The following MICU1 variants were observed in gnomAD, a reference collection of about 807,000 sequenced individuals.
The protein encoded by MICU1 is calcium uptake protein 1, mitochondrial.
In MICU1, 45 loss-of-function variants were observed where a neutral mutation model predicts 56.8. The ratio of observed to expected loss-of-function variants is 0.79; its 90% CI spans 0.62 to 1.02. MICU1 has a LOEUF of 1.02. Ranked by LOEUF, MICU1 falls within the 50% of genes least tolerant of loss-of-function variation. The pLI is 0.00. For synonymous variants in MICU1, 186 were observed against 195.1 expected, an observed-to-expected ratio of 0.95 and a Z score of 0.39; for missense variants, 504 against 587.1, an observed-to-expected ratio of 0.86 and a Z score of 1.46.
At chr10:72,437,196 C>G (rs1395752976) in intron 8 of MICU1, among the ~76,000 whole-genome samples, 1 of 152,196 alleles carries the variant, frequency 6.6e-6, no homozygotes, top group Non-Finnish European at 1.5e-5. Flanking sequence ...AACAGCAGAT[C>G]TCTCGGCAGA....
intron 1 of MICU1, among the ~76,000 whole-genome samples, chr10:72,614,957 CTT>C (rs1841941474): frequency 6.6e-6 from 1 of 152,202 alleles, no homozygotes; most frequent in African/African-American, 2.4e-5. Flanking sequence ...ATTTTGACCA[CTT>C]TTAAGCATAC....
intron 10 of MICU1, among the ~76,000 whole-genome samples, chr10:72,382,009 A>T (rs1356086084): frequency 8.9e-6 from 1 of 111,902 alleles, no homozygotes; most frequent in African/African-American, 2.9e-5. Flanking sequence ...CACACACATT[A>T]AGATGGAGAA....
chr10:72,482,577 T>G (rs560636772), intron 6 of MICU1, among the ~76,000 whole-genome samples: 1 of 152,244 alleles, frequency 6.6e-6, no homozygotes, highest in South Asian at 2.1e-4. Flanking sequence ...GTTGACCATA[T>G]TAAATGAGCT....
At chr10:72,533,038 T>C (rs1202801905) in intron 5 of MICU1, 3 of 1,289,524 alleles carry the variant, frequency 2.3e-6, no homozygotes, top group East Asian at 5.5e-5. Context: ...TTCCTGTTCA[T>C]TGTGCTTTGT....
chr10:72,619,816 A>G (rs1842061136), intron 1 of MICU1, among the ~76,000 whole-genome samples: 1 of 152,162 alleles, frequency 6.6e-6, no homozygotes, highest in Non-Finnish European at 1.5e-5. Context: ...AACGGTGGAG[A>G]GGCATTCCAG....
At chr10:72,497,169 C>T (rs1866873579) in intron 6 of MICU1, among the ~76,000 whole-genome samples, 1 of 152,062 alleles carries the variant, frequency 6.6e-6, no homozygotes, top group Non-Finnish European at 1.5e-5. Flanking sequence ...AAGCAATTCT[C>T]CTGCCTCAGC....
intron 5 of MICU1, chr10:72,533,074 T>C (rs1839535278): frequency 7.8e-7 from 1 of 1,289,766 alleles, no homozygotes; most frequent in African/African-American, 1.5e-5. Flanking sequence ...TCTTTCTTCT[T>C]TCTGAAGTGC....
chr10:72,571,502 C>T (rs1840609663), intron 1 of MICU1, among the ~76,000 whole-genome samples: 1 of 152,114 alleles, frequency 6.6e-6, no homozygotes, highest in Non-Finnish European at 1.5e-5. Context: ...CTTTGAATGC[C>T]AGACCAAGAA....
At chr10:72,474,297 G>T (rs964787328) in intron 8 of MICU1, among the ~76,000 whole-genome samples, 14 of 112,104 alleles carry the variant, frequency 1.2e-4, no homozygotes, top group East Asian at 7.4e-4. Flanking sequence ...AGAAGAAAAA[G>T]AAAAGAGGTT....
chr10:72,403,397 TG>T (rs1863522979), intron 10 of MICU1, among the ~76,000 whole-genome samples: 1 of 152,076 alleles, frequency 6.6e-6, no homozygotes, highest in Non-Finnish European at 1.5e-5. Context: ...TTAAATTTTT[TG>T]TAGAGACAAG....
At position 72,611,512 on chromosome 10, in the gene MICU1, T is replaced by C. The variant is rs182364889; in HGVS notation, c.-2+14498A>G. Among the ~76,000 whole-genome samples the C allele has an allele frequency of 4.5e-3, 686 of 151,516 alleles. 6 individuals carry two copies. Among genetic ancestry groups the C allele is most frequent in the African/African-American group, 0.016 (648 of 41,254 alleles). On this transcript the variant is annotated intron_variant, in intron 1 of 11. Transcript: ENST00000361114. ...GGTGCGTGCCTGTAATCCCAGCTACTCGAAAGGCTGAGGCAGGAGAATTGC... is the reference window on the plus strand; with the variant it reads ...GGTGCGTGCCTGTAATCCCAGCTACCCGAAAGGCTGAGGCAGGAGAATTGC...
intron 6 of MICU1, among the ~76,000 whole-genome samples, chr10:72,492,740 GCGACAGAGCAAGACTCT>G (rs1866700197): frequency 7.0e-6 from 1 of 143,324 alleles, no homozygotes; most frequent in Admixed American, 7.3e-5. Flanking sequence ...TCCAGCCTGG[GCGACAGAGCAAGACTCT>G]GTCTCAAAAT....
chr10:72,553,556 C>T (rs1840089229), intron 3 of MICU1, among the ~76,000 whole-genome samples: 1 of 152,122 alleles, frequency 6.6e-6, no homozygotes, highest in Admixed American at 6.5e-5. Context: ...TTTAGGCCAT[C>T]TGTATTTTTA....
At chr10:72,622,800 T>G (rs1020176002) in intron 1 of MICU1, among the ~76,000 whole-genome samples, 22 of 152,220 alleles carry the variant, frequency 1.4e-4, no homozygotes, top group Admixed American at 1.2e-3. Flanking sequence ...AAATTTAAAA[T>G]GTTTAAAAAT....
chr10:72,432,971 A>C (rs567722725), intron 8 of MICU1, among the ~76,000 whole-genome samples: 2 of 152,238 alleles, frequency 1.3e-5, no homozygotes, highest in African/African-American at 2.4e-5. Flanking sequence ...TTTGAGACGG[A>C]GTCTCACCTG....
chr10:72,449,693 A>G (rs756292346), intron 8 of MICU1, among the ~76,000 whole-genome samples: 8 of 152,134 alleles, frequency 5.3e-5, no homozygotes, highest in Non-Finnish European at 1.2e-4. Flanking sequence ...CATAAACGAT[A>G]CTTCTCAATT....
chr10:72,375,659 A>G, intron 11 of MICU1, 124 bp downstream of exon 11: 1 of 830,432 alleles, frequency 1.2e-6, no homozygotes, highest in South Asian at 2.1e-5. Context: ...TAATGTGAGA[A>G]AGGTGGGTAG....
At chr10:72,587,059 C>T (rs539054733) in intron 1 of MICU1, among the ~76,000 whole-genome samples, 1 of 152,298 alleles carries the variant, frequency 6.6e-6, no homozygotes, top group African/African-American at 2.4e-5. Context: ...CACCTAAAGG[C>T]TCTTTGAGCA....
At chr10:72,568,200 G>A (rs1840494581) in intron 1 of MICU1, among the ~76,000 whole-genome samples, 1 of 151,988 alleles carries the variant, frequency 6.6e-6, no homozygotes, top group Non-Finnish European at 1.5e-5. Flanking sequence ...ATTCTCTATA[G>A]TTCAAACTTC....
Sources: gnomAD v4.1 joint callset for allele counts (sites outside exome capture counted in the v4.1 genomes callset) on GRCh38, gnomAD v4.1.1 for gene constraint, MANE v1.5 for transcripts, NCBI Gene and HGNC (gene_info 2026-07-23, HGNC 2026-07-21) for gene names.